TSPAN18: variants seen among roughly 807,000 people sequenced by gnomAD.
The protein encoded by TSPAN18 is tetraspanin-18.
Under a neutral mutation model 27.3 loss-of-function variants are expected in TSPAN18, and 14 were observed. The ratio of observed to expected loss-of-function variants is 0.51; its 90% confidence interval spans 0.34 to 0.80. The LOEUF is 0.80. Ranked by LOEUF, TSPAN18 falls within the 30% of genes least tolerant of loss-of-function variation. The pLI is 0.01. For missense variants in TSPAN18, 268 were observed against 323.9 expected, an observed-to-expected ratio of 0.83 and a Z score of 1.32; for synonymous variants, 143 against 136.5, an observed-to-expected ratio of 1.05 and a Z score of -0.33.
chr11:44,929,280 A>G lies in TSPAN18; in HGVS notation c.*102A>G, dbSNP rs1860484058. On this transcript the variant is annotated 3_prime_UTR_variant, in exon 10 of 10. Transcript: ENST00000520358. ...GCTGTCCTCTTGGCCCCAGGGGAGA[A>G]GATGAGGCCATCAGAGATGGCCAGG... The G allele has an allele frequency of 2.8e-6, 4 of 1,444,286 alleles. No homozygotes were observed. Among genetic ancestry groups the G allele is most frequent in the Non-Finnish European group, 3.9e-6 (4 of 1,038,468 alleles). The allele number at this position is 1,444,286 out of a possible 1,614,324, so 89.5% of individuals were successfully genotyped here.
chr11:44,909,281 GC>G (rs1859619292), intron 4 of TSPAN18, among the ~76,000 whole-genome samples: 1 of 152,158 alleles, frequency 6.6e-6, no homozygotes, highest in Admixed American at 6.5e-5. Flanking sequence ...GAGTCAGGGG[GC>G]CTGCGACCAA....
intron 1 of TSPAN18, among the ~76,000 whole-genome samples, chr11:44,729,127 C>A (rs1026824304): frequency 5.9e-5 from 9 of 152,090 alleles, no homozygotes; most frequent in African/African-American, 2.2e-4. Context: ...ACAAAGTTGC[C>A]ATAAAGACAG....
chr11:44,924,075 C>T (rs1860248312), intron 8 of TSPAN18, among the ~76,000 whole-genome samples: 1 of 149,246 alleles, frequency 6.7e-6, no homozygotes, highest in South Asian at 2.1e-4. Flanking sequence ...AGATGTGCTG[C>T]TTCTCCTGTC....
intron 2 of TSPAN18, among the ~76,000 whole-genome samples, chr11:44,777,806 C>G (rs1024248432): frequency 6.6e-6 from 1 of 152,098 alleles, no homozygotes; most frequent in African/African-American, 2.4e-5. Flanking sequence ...GGAGGGTGTC[C>G]GGGTAGACGT....
intron 2 of TSPAN18, among the ~76,000 whole-genome samples, chr11:44,799,524 G>C (rs1219763342): frequency 6.6e-6 from 1 of 152,172 alleles, no homozygotes; most frequent in South Asian, 2.1e-4. Context: ...TCAATGAGCG[G>C]GCAGTAGCTC....
intron 2 of TSPAN18, among the ~76,000 whole-genome samples, chr11:44,780,410 G>A (rs1340780433): frequency 2.6e-5 from 4 of 152,220 alleles, no homozygotes; most frequent in Non-Finnish European, 4.4e-5. Context: ...AGTGCCCTCC[G>A]AGGCTGGGTA....
intron 1 of TSPAN18, chr11:44,736,302 A>G (rs1381346948): frequency 6.6e-6 from 1 of 152,238 alleles, no homozygotes; most frequent in Non-Finnish European, 1.5e-5. Context: ...CCCAGGAAAC[A>G]TCAGCATATA....
chr11:44,860,727 G>A (rs1371606507), intron 3 of TSPAN18, among the ~76,000 whole-genome samples: 1 of 152,214 alleles, frequency 6.6e-6, no homozygotes, highest in African/African-American at 2.4e-5. Flanking sequence ...CAGCTGAGAA[G>A]GCTGAGGTGC....
rs551353008 is a variant in TSPAN18 at position 44,745,473 on chromosome 11, A to G, written c.-240+18186A>G. Among the ~76,000 whole-genome samples, 5 of 152,338 alleles carry G rather than the reference A, an allele frequency of 3.3e-5. No homozygotes were observed. In the East Asian group the frequency reaches 7.7e-4, roughly 24 times the overall value. ...CCAAGGATACAAAATGATGGCATGT[A>G]TGATTCTACTTATATAAAGTTCAAA... On this transcript the variant is annotated intron_variant, in intron 1 of 9. Coordinates refer to ENST00000520358, the MANE Select transcript of TSPAN18 (RefSeq NM_130783.5).
intron 3 of TSPAN18, among the ~76,000 whole-genome samples, chr11:44,872,048 C>T (rs528730672): frequency 6.6e-6 from 1 of 152,162 alleles, no homozygotes; most frequent in East Asian, 1.9e-4. Flanking sequence ...CTCAGACTCC[C>T]GAGTAGCTGG....
chr11:44,782,525 A>T (rs932537017), intron 2 of TSPAN18, among the ~76,000 whole-genome samples: 3 of 149,092 alleles, frequency 2.0e-5, no homozygotes, highest in African/African-American at 7.5e-5. Flanking sequence ...CTTGGGTGAC[A>T]GAGTGAGACT....
intron 3 of TSPAN18, among the ~76,000 whole-genome samples, chr11:44,883,673 AG>A (rs1183911497): frequency 1.3e-5 from 2 of 152,228 alleles, no homozygotes. Context: ...TGGCAGAGCA[AG>A]GGCCAGACCC....
intron 3 of TSPAN18, among the ~76,000 whole-genome samples, chr11:44,903,027 C>G (rs1434689465): frequency 6.6e-6 from 1 of 152,176 alleles, no homozygotes; most frequent in Non-Finnish European, 1.5e-5. Flanking sequence ...CCAAGTGCAA[C>G]CCTACTGTGT....
chr11:44,847,722 C>G (rs1455244544), intron 2 of TSPAN18, among the ~76,000 whole-genome samples: 2 of 152,300 alleles, frequency 1.3e-5, no homozygotes, highest in Admixed American at 1.3e-4. Context: ...TGAACTTCTA[C>G]ACCTGCAGAA....
intron 1 of TSPAN18, among the ~76,000 whole-genome samples, chr11:44,748,288 C>T (rs569051901): frequency 1.2e-3 from 187 of 151,784 alleles, no homozygotes; most frequent in African/African-American, 4.3e-3. Context: ...ATCCCAGCTA[C>T]TTGGGAGGCT....
intron 2 of TSPAN18, among the ~76,000 whole-genome samples, chr11:44,836,653 G>A (rs1857270174): frequency 6.6e-6 from 1 of 152,208 alleles, no homozygotes; most frequent in South Asian, 2.1e-4. Context: ...TAGCTAGAGA[G>A]AAGTCAATGT....
chr11:44,804,167 G>A (rs961373212), intron 2 of TSPAN18, among the ~76,000 whole-genome samples: 5 of 151,866 alleles, frequency 3.3e-5, no homozygotes, highest in African/African-American at 1.2e-4. Context: ...GCAATGGTGC[G>A]ATCTCAGCTC....
chr11:44,735,340 T>G (rs1854766486), intron 1 of TSPAN18, among the ~76,000 whole-genome samples: 1 of 152,214 alleles, frequency 6.6e-6, no homozygotes, highest in South Asian at 2.1e-4. Flanking sequence ...GACAGCACCA[T>G]AAACTAGATG....
At chr11:44,733,546 C>G (rs1389907842) in intron 1 of TSPAN18, among the ~76,000 whole-genome samples, 1 of 152,142 alleles carries the variant, frequency 6.6e-6, no homozygotes, top group African/African-American at 2.4e-5. Context: ...CTTTCAGAAC[C>G]CACTTCTGCT....
Sources: gnomAD v4.1 joint callset for allele counts (sites outside exome capture counted in the v4.1 genomes callset) on GRCh38, gnomAD v4.1.1 for gene constraint, MANE v1.5 for transcripts, NCBI Gene and HGNC (gene_info 2026-07-23, HGNC 2026-07-21) for gene names.